Variants in CACNA2D3 observed in about 807,000 individuals in gnomAD.
The protein encoded by CACNA2D3 is calcium voltage-gated channel auxiliary subunit alpha2delta 3.
In CACNA2D3, 60 loss-of-function variants were observed where a neutral mutation model predicts 160.6. That is an observed-to-expected ratio of 0.37 (90% CI 0.30 to 0.46). The LOEUF (loss-of-function observed/expected upper bound fraction) is 0.46. CACNA2D3 is among the 20% of genes least tolerant of loss of function. The pLI, the probability that CACNA2D3 is intolerant of heterozygous loss-of-function variation, is 1.00. For synonymous variants in CACNA2D3, 558 were observed against 492.9 expected, an observed-to-expected ratio of 1.13 and a Z score of -1.75; for missense variants, 1,205 against 1,365.0, an observed-to-expected ratio of 0.88 and a Z score of 1.85.
At chr3:54,380,621 C>A (rs1388598755) in intron 3 of CACNA2D3, among the ~76,000 whole-genome samples, 1 of 152,120 alleles carries the variant, frequency 6.6e-6, no homozygotes, top group Non-Finnish European at 1.5e-5. Context: ...ACCTGTAGTC[C>A]CAGCCACTCG....
chr3:54,844,116 G>T (rs187635581), intron 16 of CACNA2D3, among the ~76,000 whole-genome samples: 1 of 152,212 alleles, frequency 6.6e-6, no homozygotes, highest in East Asian at 1.9e-4. Context: ...AGAATCTTAG[G>T]GAAAATGAGT....
intron 11 of CACNA2D3, among the ~76,000 whole-genome samples, chr3:54,689,648 ACT>A (rs796386082): frequency 3.3e-5 from 5 of 151,066 alleles, no homozygotes; most frequent in African/African-American, 1.2e-4. Flanking sequence ...ATCCTTGAAG[ACT>A]CTTTCTCTCT....
At chr3:54,953,604 C>G (rs189733558) in intron 27 of CACNA2D3, among the ~76,000 whole-genome samples, 1 of 152,328 alleles carries the variant, frequency 6.6e-6, no homozygotes, top group South Asian at 2.1e-4. Context: ...TGGACATCCA[C>G]GATCCTTTCT....
chr3:54,931,613 A>G (rs896218214), intron 27 of CACNA2D3, among the ~76,000 whole-genome samples: 7 of 152,202 alleles, frequency 4.6e-5, no homozygotes, highest in African/African-American at 1.7e-4. Context: ...AAGACCTGCC[A>G]GGACCCCAGG....
At position 55,021,657 on chromosome 3, in the gene CACNA2D3, A is replaced by ATG. The variant is rs201292219; in HGVS notation, c.2987+3348_2987+3349dup. On this transcript the variant is annotated intron_variant, in intron 35 of 37. Transcript: ENST00000474759. ...TATATATATATATGTGTATATATAT[A>ATG]TGTGTGTGTATATATATATGTGTAT... Among the ~76,000 whole-genome samples, 3 of 69,234 alleles carry ATG rather than the reference A, an allele frequency of 4.3e-5. No homozygotes were observed. The East Asian group carries it at 1.2e-3, about 29-fold the overall frequency. 45.4% of individuals were successfully genotyped at this position (69,234 alleles called of 152,430 possible).
Position 55,043,126 on chromosome 3 carries a change from G to A in CACNA2D3, c.2987+24809G>A, listed in dbSNP as rs563922306. Among the ~76,000 whole-genome samples, 15 of 152,190 alleles carry A rather than the reference G, an allele frequency of 9.9e-5. 1 individual carries two copies. The highest frequency in any genetic ancestry group is 8.5e-4 in the Admixed American group (13 of 15,264). On this transcript the variant is annotated intron_variant, in intron 35 of 37. Coordinates refer to ENST00000474759, the MANE Select transcript of CACNA2D3 (RefSeq NM_018398.3). ...TCATTTCACCTGAATGAACCTGGGA[G>A]TGGGGTTGCTGGATTGTGTGGGAAA... is the stretch of plus-strand genomic sequence containing the variant.
chr3:54,839,848 T>G (rs985856629), intron 16 of CACNA2D3, among the ~76,000 whole-genome samples: 3 of 152,168 alleles, frequency 2.0e-5, no homozygotes, highest in Non-Finnish European at 4.4e-5. Flanking sequence ...TTCCCCAGCT[T>G]CATCCACCAG....
intron 4 of CACNA2D3, among the ~76,000 whole-genome samples, chr3:54,413,484 A>T (rs574120850): frequency 6.7e-6 from 1 of 149,442 alleles, no homozygotes; most frequent in East Asian, 1.9e-4. Context: ...AAATATTCTA[A>T]CTATATTTGG....
chr3:54,584,830 A>C (rs1205282994), intron 9 of CACNA2D3, among the ~76,000 whole-genome samples: 1 of 152,250 alleles, frequency 6.6e-6, no homozygotes, highest in Non-Finnish European at 1.5e-5. Context: ...TAGATTTCTC[A>C]TATGAAATCA....
At chr3:54,690,498 T>C (rs1057415614) in intron 11 of CACNA2D3, among the ~76,000 whole-genome samples, 2 of 152,140 alleles carry the variant, frequency 1.3e-5, no homozygotes, top group African/African-American at 4.8e-5. Flanking sequence ...TGAATCATTA[T>C]CATCATCATC....
chr3:54,148,060 G>A (rs1466892210), intron 2 of CACNA2D3, among the ~76,000 whole-genome samples: 1 of 152,252 alleles, frequency 6.6e-6, no homozygotes, highest in African/African-American at 2.4e-5. Flanking sequence ...GCGTCCCAAA[G>A]TGCTGGGATT....
chr3:54,840,304 A>G lies in CACNA2D3; in HGVS notation c.1551+1656A>G, dbSNP rs537581930. 1.4e-4 allele frequency among the ~76,000 whole-genome samples: 21 copies of G among 152,242 alleles called. No individual in the cohort carries two copies. The East Asian group carries it at 4.1e-3, about 29-fold the overall frequency. ...ATGGCATTATCTCGCTTACTAAGTA[A>G]ACATTACGGTCACCCCCATTTTATA... On this transcript the variant is annotated intron_variant, in intron 16 of 37. Transcript: ENST00000474759.
At chr3:54,199,715 T>G (rs1408276259) in intron 2 of CACNA2D3, among the ~76,000 whole-genome samples, 1 of 152,144 alleles carries the variant, frequency 6.6e-6, no homozygotes, top group Admixed American at 6.5e-5. Flanking sequence ...GCACATGAGG[T>G]GATAGCATGC....
At chr3:54,392,967 G>A (rs921699871) in intron 4 of CACNA2D3, among the ~76,000 whole-genome samples, 3 of 152,138 alleles carry the variant, frequency 2.0e-5, no homozygotes, top group South Asian at 2.1e-4. Flanking sequence ...CTTGTCCCCC[G>A]CCACCCTGCA....
At chr3:54,635,551 G>T (rs1471652361) in intron 10 of CACNA2D3, among the ~76,000 whole-genome samples, 2 of 152,016 alleles carry the variant, frequency 1.3e-5, no homozygotes, top group Non-Finnish European at 2.9e-5. Context: ...TGAGACTGGG[G>T]CCTAATAAAA....
chr3:54,857,033 G>C (rs1193608107), intron 17 of CACNA2D3, among the ~76,000 whole-genome samples: 1 of 152,132 alleles, frequency 6.6e-6, no homozygotes, highest in Non-Finnish European at 1.5e-5. Flanking sequence ...CACCTGTCTT[G>C]GCCTCCCAAA....
chr3:54,266,395 A>G (rs113876135), intron 2 of CACNA2D3, among the ~76,000 whole-genome samples: 20 of 152,210 alleles, frequency 1.3e-4, no homozygotes, highest in African/African-American at 4.1e-4. Context: ...TCATTTAAGA[A>G]CTCTGATTTT....
chr3:54,587,678 T>C (rs532300384), intron 9 of CACNA2D3, among the ~76,000 whole-genome samples: 64 of 152,180 alleles, frequency 4.2e-4, no homozygotes, highest in Non-Finnish European at 7.8e-4. Flanking sequence ...TAAAATACTA[T>C]TGTAAACAAC....
Position 54,442,421 on chromosome 3 carries a change from A to G in CACNA2D3, c.381+55647A>G, listed in dbSNP as rs912877961. ...GAGGTGTAGCAGCCATTCTGCTACTATGAAGATGAAAGCCACAGACTAAAG... is the reference window on the plus strand; with the variant it reads ...GAGGTGTAGCAGCCATTCTGCTACTGTGAAGATGAAAGCCACAGACTAAAG... On this transcript the variant is annotated intron_variant, in intron 4 of 37. Transcript: ENST00000474759. 2.6e-5 allele frequency among the ~76,000 whole-genome samples: 4 copies of G among 152,174 alleles called. No individual in the cohort carries two copies. The East Asian group carries it at 5.8e-4, about 22-fold the overall frequency.
Sources: allele counts gnomAD v4.1 joint callset (sites outside exome capture counted in the v4.1 genomes callset), GRCh38; gene constraint gnomAD v4.1.1; transcripts MANE v1.5; gene names NCBI Gene and HGNC (gene_info 2026-07-23, HGNC 2026-07-21).